The following MAX variants were observed in gnomAD, a reference collection of about 807,000 sequenced individuals.
MAX encodes the protein protein max.
MAX carries 3 observed loss-of-function variants against 22.3 expected under a neutral mutation model. That is an observed-to-expected ratio of 0.13 (90% CI 0.06 to 0.35). The LOEUF (loss-of-function observed/expected upper bound fraction) is 0.35. MAX is among the 10% of genes least tolerant of loss of function. The pLI is 1.00. For synonymous variants in MAX, 72 were observed against 77.7 expected, an observed-to-expected ratio of 0.93 and a Z score of 0.39; for missense variants, 119 against 209.4, an observed-to-expected ratio of 0.57 and a Z score of 2.66.
rs935166457 is a variant in MAX, at chr14:65,007,816, C to T, written c.172-1532G>A. 3.3e-5 allele frequency among the ~76,000 whole-genome samples: 5 copies of T among 152,176 alleles called. No homozygotes were observed. The highest frequency in any genetic ancestry group is 7.3e-5 in the Non-Finnish European group (5 of 68,038). ...AAATGCATAAACTACACAGATACCTCGCTCACATGTAGTTTTTAAATTTGT... is the reference window on the plus strand; with the variant it reads ...AAATGCATAAACTACACAGATACCTTGCTCACATGTAGTTTTTAAATTTGT... On this transcript the variant is annotated intron_variant, in intron 3 of 3. Coordinates refer to the MAX transcript ENST00000341653. The surrounding 1 kb of genome is among the most constrained non-coding windows in gnomAD (Gnocchi z 4.9).
intron 3 of MAX, among the ~76,000 whole-genome samples, chr14:65,068,879 C>T (rs978513942): frequency 6.6e-6 from 1 of 152,148 alleles, no homozygotes; most frequent in Non-Finnish European, 1.5e-5. Context: ...TTCATTGCTA[C>T]CTTCTGTACC....
intron 3 of MAX, among the ~76,000 whole-genome samples, chr14:65,020,749 T>TTG (rs2061871110): frequency 7.1e-6 from 1 of 140,218 alleles, no homozygotes; most frequent in South Asian, 2.3e-4. Flanking sequence ...TTTTTTTTTT[T>TTG]GAGACGGAGT....
In MAX at chr14:65,044,593, G is replaced by A. The variant is rs2062433419; in HGVS notation, c.172-38309C>T. 1.7e-6 allele frequency: 2 copies of A among 1,174,720 alleles called. No individual in the cohort carries two copies. Among genetic ancestry groups the A allele is most frequent in the Non-Finnish European group, 2.3e-6 (2 of 872,240 alleles). The allele number at this position is 1,174,720 out of a possible 1,614,324, so 72.8% of individuals were successfully genotyped here. On this transcript the variant is annotated intron_variant, in intron 3 of 3. Coordinates refer to the MAX transcript ENST00000341653. The surrounding 1 kb of genome is among the most constrained non-coding windows in gnomAD (Gnocchi z 5.5). ...CCCAGTGTGGAACCTCATGCCGTGGGGCATGCGAATGCAGAGTAAGATTTA... is the reference window on the plus strand; with the variant it reads ...CCCAGTGTGGAACCTCATGCCGTGGAGCATGCGAATGCAGAGTAAGATTTA...
In MAX at chr14:65,027,517, T is replaced by C. The variant is rs753782776; in HGVS notation, c.172-21233A>G. 5 of 1,614,110 alleles carry C rather than the reference T, an allele frequency of 3.1e-6. No individual in the cohort carries two copies. In the East Asian group the frequency reaches 1.1e-4, roughly 36 times the overall value. On this transcript the variant is annotated intron_variant, in intron 3 of 3. Coordinates refer to the MAX transcript ENST00000341653. This position sits in a 1 kb window ranked among gnomAD's most constrained non-coding sequence, Gnocchi z 5.7. Reference sequence around the variant, plus strand: ...TGGCTTTGGAGGAGGACCCGGTCAGTATCCACACCTTGCACCCACATATGC... The same window carrying C: ...TGGCTTTGGAGGAGGACCCGGTCAGCATCCACACCTTGCACCCACATATGC...
In MAX at chr14:65,054,761, A is replaced by G; in HGVS notation, c.171+38947T>C. 2 of 1,487,418 alleles carry G rather than the reference A, an allele frequency of 1.3e-6. No individual in the cohort carries two copies. The highest frequency in any genetic ancestry group is 1.8e-6 in the Non-Finnish European group (2 of 1,091,610). The allele number at this position is 1,487,418 out of a possible 1,614,324, so 92.1% of individuals were successfully genotyped here. A position where few individuals can be genotyped will look rare whatever the true frequency, so the allele number is the denominator to read the frequency against. On this transcript the variant is annotated intron_variant, in intron 3 of 3. Transcript: ENST00000341653. This position sits in a 1 kb window ranked among gnomAD's most constrained non-coding sequence, Gnocchi z 4.4. ...CGGACAGAAGGCTTTCCAAGTAAGCAGAACTGGCTCTGCATTTCCTGTGTG... is the reference window on the plus strand; with the variant it reads ...CGGACAGAAGGCTTTCCAAGTAAGCGGAACTGGCTCTGCATTTCCTGTGTG...
At chr14:65,010,745 TTTTGTTTG>T (rs1321549963) in intron 3 of MAX, among the ~76,000 whole-genome samples, 2 of 152,148 alleles carry the variant, frequency 1.3e-5, no homozygotes, top group Non-Finnish European at 2.9e-5. Context: ...ATCCTTGTTT[TTTTGTTTG>T]TTTGTTTGTT....
chr14:65,097,680 G>A (rs536833012), intron 2 of MAX, among the ~76,000 whole-genome samples: 2 of 152,294 alleles, frequency 1.3e-5, no homozygotes, highest in South Asian at 2.1e-4. Context: ...CTAAGGACAC[G>A]AGAATACACA....
chr14:65,090,336 T>TA (rs904035015), intron 3 of MAX: 13 of 152,128 alleles, frequency 8.5e-5, no homozygotes, highest in African/African-American at 2.9e-4. Context: ...CCTGTCCTGT[T>TA]ACAGATGGGA....
intron 3 of MAX, among the ~76,000 whole-genome samples, chr14:65,020,287 A>G (rs2061860241): frequency 6.6e-6 from 1 of 152,186 alleles, no homozygotes; most frequent in South Asian, 2.1e-4. Context: ...TGTTTTCTTT[A>G]TTTTTGGTAG....
chr14:65,013,580 C>G lies in MAX; in HGVS notation c.172-7296G>C, dbSNP rs551471617. Among the ~76,000 whole-genome samples the G allele has an allele frequency of 7.4e-4, 112 of 152,276 alleles. 3 individuals carry two copies. The South Asian group carries it at 0.023, about 31-fold the overall frequency. On this transcript the variant is annotated intron_variant, in intron 3 of 3. Coordinates refer to the MAX transcript ENST00000341653. ...TCTCATAATTTATGAGATGGAGTCT[C>G]GCTGTATTTCCCAGGCTGGAGTGCA...
rs768077835 is a variant in MAX at position 65,040,933 on chromosome 14, G to A, written c.172-34649C>T. ...AAGAGCTTATTAGTAAGTATCTTTT[G>A]AGCCATCCCCCTCTCAGGCCCCAGG... is the stretch of plus-strand genomic sequence containing the variant. On this transcript the variant is annotated intron_variant, in intron 3 of 3. Coordinates refer to the MAX transcript ENST00000341653. The A allele has an allele frequency of 8.1e-6, 13 of 1,612,410 alleles. 1 individual carries two copies. The highest frequency in any genetic ancestry group is 1.0e-5 in the Non-Finnish European group (12 of 1,179,018).
chr14:65,054,574 G>C lies in MAX; in HGVS notation c.171+39134C>G. On this transcript the variant is annotated intron_variant, in intron 3 of 3. Coordinates refer to the MAX transcript ENST00000341653. The surrounding 1 kb of genome is among the most constrained non-coding windows in gnomAD (Gnocchi z 4.4). ...CTGCTCAGAGCTGCCTGTCCTTACA[G>C]GTCGCGTGATTTCTACCACACCTGC... 2 of 1,612,336 alleles carry C rather than the reference G, an allele frequency of 1.2e-6. No individual in the cohort carries two copies. The highest frequency in any genetic ancestry group is 1.7e-6 in the Non-Finnish European group (2 of 1,179,308).
chr14:65,102,349 C>A lies in MAX; in HGVS notation c.-10G>T, dbSNP rs2063875994. The A allele has an allele frequency of 6.2e-7, 1 of 1,613,542 alleles. No individual in the cohort carries two copies. Among genetic ancestry groups the A allele is most frequent in the Admixed American group, 1.7e-5 (1 of 59,974 alleles). Reference sequence around the variant, plus strand: ...CATCGTTATCGCTCATTTCCTACGGCCCAGGGAGCGGCCACTGCAGCGGCG... The same window carrying A: ...CATCGTTATCGCTCATTTCCTACGGACCAGGGAGCGGCCACTGCAGCGGCG... On this transcript the variant is annotated 5_prime_UTR_variant, in exon 1 of 5. Transcript: ENST00000358664.
At chr14:65,053,383 G>A (rs368586407) in intron 3 of MAX, 1 of 1,382,300 alleles carries the variant, frequency 7.2e-7, no homozygotes. Flanking sequence ...GGAAGGGAGA[G>A]GGGAGGAGAG....
chr14:65,006,790 A>C (rs2061601039), intron 3 of MAX, among the ~76,000 whole-genome samples: 5 of 152,198 alleles, frequency 3.3e-5, no homozygotes, highest in Admixed American at 3.3e-4. Context: ...TCCTTAGCTC[A>C]TGAGCTGAAG....
At chr14:65,036,550 T>G (rs1169722217) in intron 3 of MAX, among the ~76,000 whole-genome samples, 3 of 152,178 alleles carry the variant, frequency 2.0e-5, no homozygotes, top group Non-Finnish European at 4.4e-5. Flanking sequence ...AAATTTTATA[T>G]TAAGCAGAAA....
intron 3 of MAX, among the ~76,000 whole-genome samples, chr14:65,064,526 G>A (rs2062911795): frequency 6.6e-6 from 1 of 152,212 alleles, no homozygotes; most frequent in Admixed American, 6.5e-5. Flanking sequence ...CCTACATCCT[G>A]TTGGGGTCAG....
chr14:65,068,530 C>G (rs1165865087), intron 3 of MAX, among the ~76,000 whole-genome samples: 2 of 152,214 alleles, frequency 1.3e-5, no homozygotes, highest in Admixed American at 6.5e-5. Flanking sequence ...GATGTTTATT[C>G]TCAATTTATT....
At chr14:65,100,190 G>T (rs1246876974) in intron 2 of MAX, among the ~76,000 whole-genome samples, 2 of 152,184 alleles carry the variant, frequency 1.3e-5, no homozygotes, top group African/African-American at 4.8e-5. Flanking sequence ...GGTGGCTCAT[G>T]CCTGTAATCC....
Sources: gnomAD v4.1 joint callset for allele counts (sites outside exome capture counted in the v4.1 genomes callset) on GRCh38, gnomAD v4.1.1 for gene constraint, Gnocchi (gnomAD v3.1) non-coding constraint, MANE v1.5 for transcripts, NCBI Gene and HGNC (gene_info 2026-07-23, HGNC 2026-07-21) for gene names.